The following PTPRG variants were observed in gnomAD, a reference collection of about 807,000 sequenced individuals.
PTPRG encodes receptor-type tyrosine-protein phosphatase gamma.
PTPRG carries 102 observed loss-of-function variants against 165.3 expected under a neutral mutation model. That is an observed-to-expected ratio of 0.62 (90% CI 0.53 to 0.73). The LOEUF (loss-of-function observed/expected upper bound fraction) is 0.73. Ranked by LOEUF, PTPRG falls within the 30% of genes least tolerant of loss-of-function variation. PTPRG has a pLI of 0.00. For synonymous variants in PTPRG, 675 were observed against 669.5 expected, an observed-to-expected ratio of 1.01 and a Z score of -0.13; for missense variants, 1,866 against 1,861.4, an observed-to-expected ratio of 1.00 and a Z score of -0.05.
chr3:61,699,379 T>TTA lies in PTPRG; in HGVS notation c.86-49496_86-49495dup, dbSNP rs527430243. ...CTTTTGCATTCAATCTGTTGTGATATTATAAGTCATATTGTCTCCTGAAAA... is the reference window on the plus strand; with the variant it reads ...CTTTTGCATTCAATCTGTTGTGATATTATATAAGTCATATTGTCTCCTGAAAA... On this transcript the variant is annotated intron_variant, in intron 1 of 29. Coordinates refer to ENST00000474889, the MANE Select transcript of PTPRG (RefSeq NM_002841.4). Among the ~76,000 whole-genome samples the TTA allele has an allele frequency of 3.6e-3, 546 of 152,292 alleles. 6 individuals are homozygous for TTA. The highest frequency in any genetic ancestry group is 0.013 in the African/African-American group (522 of 41,558).
At chr3:61,782,514 T>C (rs978938476) in intron 2 of PTPRG, among the ~76,000 whole-genome samples, 3 of 152,196 alleles carry the variant, frequency 2.0e-5, no homozygotes, top group Admixed American at 2.0e-4. Context: ...TCACTAATCT[T>C]TGATTTTAAA....
chr3:62,279,286 AAC>A (rs1214665437), intron 26 of PTPRG, among the ~76,000 whole-genome samples: 1 of 152,070 alleles, frequency 6.6e-6, no homozygotes, highest in African/African-American at 2.4e-5. Flanking sequence ...TTGTAAGCAA[AAC>A]AGTCATGAGA....
intron 1 of PTPRG, among the ~76,000 whole-genome samples, chr3:61,597,035 C>T (rs1052554933): frequency 6.6e-5 from 10 of 152,038 alleles, no homozygotes; most frequent in East Asian, 3.9e-4. Flanking sequence ...AGGGTCTTCT[C>T]GCTGTGTCAT....
intron 2 of PTPRG, among the ~76,000 whole-genome samples, chr3:61,779,499 A>G (rs1006879884): frequency 1.3e-5 from 2 of 152,130 alleles, no homozygotes; most frequent in Non-Finnish European, 2.9e-5. Flanking sequence ...GGGCTAAAAT[A>G]TCTCCCTAAG....
chr3:61,856,849 C>T (rs1211359538), intron 2 of PTPRG, among the ~76,000 whole-genome samples: 3 of 152,106 alleles, frequency 2.0e-5, no homozygotes, highest in African/African-American at 7.2e-5. Context: ...GTAGAATTAG[C>T]CCATTTTGTA....
chr3:62,285,804 G>T (rs992690809), intron 28 of PTPRG, among the ~76,000 whole-genome samples: 3 of 152,084 alleles, frequency 2.0e-5, no homozygotes, highest in African/African-American at 7.2e-5. Flanking sequence ...GACAGCTGTA[G>T]ATCAGACCTC....
intron 4 of PTPRG, among the ~76,000 whole-genome samples, chr3:62,020,327 A>G (rs2041661204): frequency 6.6e-6 from 1 of 152,216 alleles, no homozygotes; most frequent in Non-Finnish European, 1.5e-5. Flanking sequence ...AATTCAAGAA[A>G]AAAAACCAGA....
intron 2 of PTPRG, among the ~76,000 whole-genome samples, chr3:61,817,644 C>A (rs983829626): frequency 1.3e-5 from 2 of 152,130 alleles, no homozygotes; most frequent in African/African-American, 4.8e-5. Flanking sequence ...AGCTACGAGA[C>A]CTGCGTGGAA....
At position 62,142,695 on chromosome 3, in the gene PTPRG, AG is replaced by A. The variant is rs1408100357; in HGVS notation, c.682+10028del. On this transcript the variant is annotated intron_variant, in intron 6 of 29. Coordinates refer to ENST00000474889, the MANE Select transcript of PTPRG (RefSeq NM_002841.4). Reference sequence around the variant, plus strand: ...CACAAATTGATTGCAGTCCAATGAAAGAACTCTGCCTGCCTTGGAATTGTAT... The same window carrying A: ...CACAAATTGATTGCAGTCCAATGAAAAACTCTGCCTGCCTTGGAATTGTAT... Among the ~76,000 whole-genome samples the A allele has an allele frequency of 5.4e-4, 82 of 152,316 alleles. 1 individual carries two copies. The highest frequency in any genetic ancestry group is 1.5e-5 in the Non-Finnish European group (1 of 68,030).
chr3:61,608,923 C>G (rs865964836), intron 1 of PTPRG, among the ~76,000 whole-genome samples: 39 of 152,264 alleles, frequency 2.6e-4, no homozygotes, highest in Middle Eastern at 3.4e-3. Context: ...GAGGTCTGGG[C>G]TCAGTGGGGA....
rs1373667485 is a variant in PTPRG, at chr3:62,058,005, C to T, written c.520-20158C>T. 2.0e-5 allele frequency among the ~76,000 whole-genome samples: 3 copies of T among 152,178 alleles called. 1 individual carries two copies. Among genetic ancestry groups the T allele is most frequent in the African/African-American group, 4.8e-5 (2 of 41,432 alleles). On this transcript the variant is annotated intron_variant, in intron 4 of 29. Transcript: ENST00000474889. ...AAGCCCAATACTCTAACCCTTAGAC[C>T]AGAACTTGGGGCTACAGATGGAATA...
chr3:61,777,210 A>G (rs1575655686), intron 2 of PTPRG, among the ~76,000 whole-genome samples: 2 of 152,234 alleles, frequency 1.3e-5, no homozygotes, highest in East Asian at 1.9e-4. Flanking sequence ...AGTTTCTACA[A>G]TGATGGCAAT....
intron 4 of PTPRG, among the ~76,000 whole-genome samples, chr3:62,028,649 C>T (rs553365702): frequency 5.5e-4 from 83 of 152,266 alleles, no homozygotes; most frequent in African/African-American, 2.0e-3. Context: ...GTTAGCATTC[C>T]TGGGTTGCAC....
At chr3:62,187,827 T>C (rs1261970780) in intron 8 of PTPRG, among the ~76,000 whole-genome samples, 1 of 152,212 alleles carries the variant, frequency 6.6e-6, no homozygotes, top group African/African-American at 2.4e-5. Context: ...TGCAAAGCCC[T>C]GGCCTCATGC....
chr3:61,575,615 T>C (rs945883708), intron 1 of PTPRG, among the ~76,000 whole-genome samples: 2 of 150,762 alleles, frequency 1.3e-5, no homozygotes, highest in African/African-American at 4.9e-5. Flanking sequence ...TTTTTTTTTT[T>C]TTTTGAGATG....
intron 1 of PTPRG, among the ~76,000 whole-genome samples, chr3:61,669,445 G>C (rs1209744361): frequency 2.0e-5 from 3 of 152,164 alleles, no homozygotes; most frequent in Non-Finnish European, 4.4e-5. Flanking sequence ...CTGGTCTGTG[G>C]CTTAACAGTG....
chr3:61,919,418 T>C (rs2039023591), intron 2 of PTPRG, among the ~76,000 whole-genome samples: 1 of 152,230 alleles, frequency 6.6e-6, no homozygotes, highest in Non-Finnish European at 1.5e-5. Context: ...ACAGTATCCA[T>C]GTGGTCATCT....
At chr3:62,232,613 G>A (rs989820137) in intron 14 of PTPRG, among the ~76,000 whole-genome samples, 1 of 152,144 alleles carries the variant, frequency 6.6e-6, no homozygotes, top group Non-Finnish European at 1.5e-5. Flanking sequence ...CCAATTTCAG[G>A]TCCTCCCCAG....
At chr3:62,281,378 A>G (rs1702429253) in intron 26 of PTPRG, among the ~76,000 whole-genome samples, 185 bp from the exon 27 acceptor site, 1 of 151,880 alleles carries the variant, frequency 6.6e-6, no homozygotes, top group African/African-American at 2.4e-5. Context: ...TTATCAAAAT[A>G]TATTTTACAA....
Sources: gnomAD v4.1 joint callset for allele counts (sites outside exome capture counted in the v4.1 genomes callset) on GRCh38, gnomAD v4.1.1 for gene constraint, MANE v1.5 for transcripts, NCBI Gene and HGNC (gene_info 2026-07-23, HGNC 2026-07-21) for gene names.